AKAP6: variants seen among roughly 807,000 people sequenced by gnomAD.
The protein encoded by AKAP6 is A-kinase anchoring protein 6, also known as A-kinase anchor protein 6.
AKAP6 carries 58 observed loss-of-function variants against 188.5 expected under a neutral mutation model. The observed-to-expected ratio is 0.31, with a 90% CI of 0.25 to 0.38. AKAP6 has a LOEUF of 0.38. Among genes scored for constraint, AKAP6 ranks in the 10% least tolerant of loss-of-function variants. The pLI is 1.00. For missense variants in AKAP6, 2,710 were observed against 2,740.0 expected (o/e 0.99, Z 0.24); for synonymous variants, 989 against 998.6 (o/e 0.99, Z 0.18).
intron 13 of AKAP6, among the ~76,000 whole-genome samples, chr14:32,827,645 C>T (rs1287681149): frequency 1.3e-5 from 2 of 152,146 alleles, no homozygotes; most frequent in African/African-American, 4.8e-5. Flanking sequence ...TCAGTTACAG[C>T]AAATCACATC....
intron 1 of AKAP6, among the ~76,000 whole-genome samples, chr14:32,348,617 T>G (rs1887157467): frequency 6.6e-6 from 1 of 152,088 alleles, no homozygotes; most frequent in Non-Finnish European, 1.5e-5. Flanking sequence ...TTCACCATGT[T>G]GGTCAGGCTG....
intron 5 of AKAP6, among the ~76,000 whole-genome samples, chr14:32,585,422 G>A (rs1885190038): frequency 6.6e-6 from 1 of 152,138 alleles, no homozygotes; most frequent in African/African-American, 2.4e-5. Context: ...TAGCCTTGGA[G>A]AAACAAGGTT....
intron 2 of AKAP6, among the ~76,000 whole-genome samples, chr14:32,456,740 A>T (rs113831221): frequency 5.4e-4 from 82 of 152,316 alleles, no homozygotes; most frequent in African/African-American, 1.8e-3. Flanking sequence ...AGAGAAGAGG[A>T]TCTTGTCCAA....
In AKAP6 at chr14:32,822,852, T is replaced by G. The variant is rs113195718; in HGVS notation, c.5039T>G (p.Ile1680Ser). Residue 1680 changes from isoleucine (I) to serine (S), a missense_variant, in exon 13 of 14, where the codon ATC (isoleucine) becomes AGC (serine). Transcript: ENST00000280979. ...GQMSLDIASS[I>S]NEDSAASLTE... ...ATGTCATTGGACATAGCATCTTCTATCAATGAAGACTCAGCGGCATCTCTA... is the reference window on the plus strand; with the variant it reads ...ATGTCATTGGACATAGCATCTTCTAGCAATGAAGACTCAGCGGCATCTCTA... 6.2e-7 allele frequency: 1 copy of G among 1,613,964 alleles called. No homozygotes were observed. Among genetic ancestry groups the G allele is most frequent in the Non-Finnish European group, 8.5e-7 (1 of 1,179,926 alleles).
intron 11 of AKAP6, among the ~76,000 whole-genome samples, chr14:32,744,494 C>T (rs986369479): frequency 5.3e-5 from 8 of 151,748 alleles, no homozygotes; most frequent in Non-Finnish European, 7.4e-5. Flanking sequence ...TTCTTTGTAT[C>T]TTTGGTAGAG....
chr14:32,537,766 G>A (rs542626407), intron 3 of AKAP6, among the ~76,000 whole-genome samples: 1 of 152,284 alleles, frequency 6.6e-6, no homozygotes, highest in African/African-American at 2.4e-5. Flanking sequence ...AGGGTTTGTT[G>A]TTATTATTGT....
rs1453811972 is a variant in AKAP6 at position 32,619,479 on chromosome 14, TGTAA to T, written c.2730+18691_2730+18694del. Among the ~76,000 whole-genome samples, 12 of 152,328 alleles carry T rather than the reference TGTAA, an allele frequency of 7.9e-5. No individual in the cohort carries two copies. The East Asian group carries it at 2.3e-3, about 29-fold the overall frequency. On this transcript the variant is annotated intron_variant, in intron 7 of 13. Coordinates refer to ENST00000280979, the MANE Select transcript of AKAP6 (RefSeq NM_004274.5). Reference sequence around the variant, plus strand: ...AATGCTTTGTTGAAGATCAGTTGGTTGTAAGTATTTGCCTTTATTTCTGGATTCT... The same window carrying T: ...AATGCTTTGTTGAAGATCAGTTGGTTGTATTTGCCTTTATTTCTGGATTCT...
At chr14:32,696,797 A>C (rs1322653066) in intron 9 of AKAP6, among the ~76,000 whole-genome samples, 1 of 151,590 alleles carries the variant, frequency 6.6e-6, no homozygotes, top group African/African-American at 2.4e-5. Context: ...TTTTGCCTAA[A>C]AAAAAAAAAA....
Position 32,458,518 on chromosome 14 carries a change from GTAT to G in AKAP6, c.324+24707_324+24709del, listed in dbSNP as rs530478376. Among the ~76,000 whole-genome samples, 246 of 152,208 alleles carry G rather than the reference GTAT, an allele frequency of 1.6e-3. 1 individual carries two copies. Among genetic ancestry groups the G allele is most frequent in the African/African-American group, 5.5e-3 (228 of 41,542 alleles). ...TTTGTAATTGTAAATGTCGCTGAAAGTATTATTAGTAGTCACAATAGGAATGAA... is the reference window on the plus strand; with the variant it reads ...TTTGTAATTGTAAATGTCGCTGAAAGTATTAGTAGTCACAATAGGAATGAA... On this transcript the variant is annotated intron_variant, in intron 2 of 13. Transcript: ENST00000280979.
At chr14:32,663,508 A>C (rs1023923609) in intron 7 of AKAP6, among the ~76,000 whole-genome samples, 2 of 151,876 alleles carry the variant, frequency 1.3e-5, no homozygotes, top group Non-Finnish European at 2.9e-5. Flanking sequence ...GATATGTTTT[A>C]TATTAGAGGG....
intron 9 of AKAP6, among the ~76,000 whole-genome samples, chr14:32,724,063 T>C (rs1040600): frequency 0.99 from 150,251 of 152,186 alleles, 74,196 homozygotes; most frequent in Middle Eastern, 1. Flanking sequence ...CAGGTCTTTT[T>C]TTCTTCTTCT....
chr14:32,772,422 A>G (rs1433712727), intron 11 of AKAP6, among the ~76,000 whole-genome samples: 1 of 152,208 alleles, frequency 6.6e-6, no homozygotes, highest in Non-Finnish European at 1.5e-5. Context: ...CCATAAATAG[A>G]GGTTTGGGAA....
intron 7 of AKAP6, among the ~76,000 whole-genome samples, chr14:32,645,712 G>A (rs1223334311): frequency 6.6e-6 from 1 of 152,168 alleles, no homozygotes; most frequent in Non-Finnish European, 1.5e-5. Context: ...GAGCAGGTGG[G>A]TGATAAAGGA....
At chr14:32,727,654 G>A (rs563752106) in intron 9 of AKAP6, among the ~76,000 whole-genome samples, 4 of 152,142 alleles carry the variant, frequency 2.6e-5, no homozygotes, top group Non-Finnish European at 5.9e-5. Context: ...CATTTGCTGT[G>A]CGAGTTCTGG....
intron 12 of AKAP6, among the ~76,000 whole-genome samples, chr14:32,801,416 A>G (rs895955105): frequency 6.6e-6 from 1 of 152,186 alleles, no homozygotes; most frequent in African/African-American, 2.4e-5. Flanking sequence ...TTAACTTATA[A>G]CAGAGTATAC....
chr14:32,346,779 A>T (rs1887082412), intron 1 of AKAP6, among the ~76,000 whole-genome samples: 1 of 152,184 alleles, frequency 6.6e-6, no homozygotes, highest in Non-Finnish European at 1.5e-5. Context: ...AAGTGCTGGG[A>T]TTACAGGCGT....
chr14:32,442,820 G>C (rs112922884), intron 2 of AKAP6, among the ~76,000 whole-genome samples: 11 of 151,924 alleles, frequency 7.2e-5, no homozygotes, highest in African/African-American at 2.7e-4. Flanking sequence ...TTTGAGTAGG[G>C]TTGTCATAGC....
intron 2 of AKAP6, among the ~76,000 whole-genome samples, chr14:32,519,722 C>G (rs1326878591): frequency 2.0e-5 from 3 of 152,142 alleles, no homozygotes; most frequent in Admixed American, 2.0e-4. Context: ...TACAAAGAGA[C>G]TTAGACTCCC....
chr14:32,412,371 T>C (rs558654422), intron 1 of AKAP6, among the ~76,000 whole-genome samples: 21 of 152,370 alleles, frequency 1.4e-4, no homozygotes, highest in African/African-American at 4.8e-4. Context: ...CACACAATCC[T>C]TGCTTTTAAG....
Sources: allele counts gnomAD v4.1 joint callset (sites outside exome capture counted in the v4.1 genomes callset), GRCh38; gene constraint gnomAD v4.1.1; transcripts MANE v1.5; gene names NCBI Gene and HGNC (gene_info 2026-07-23, HGNC 2026-07-21).